Variants in ERG observed in about 807,000 individuals in gnomAD.
The protein encoded by ERG is ETS transcription factor ERG.
Under a neutral mutation model 55.3 loss-of-function variants are expected in ERG, and 9 were observed. The ratio of observed to expected loss-of-function variants is 0.16; its 90% CI spans 0.10 to 0.28. The LOEUF (loss-of-function observed/expected upper bound fraction) is 0.28, where lower values mean the gene tolerates loss of function less well. ERG is among the 10% of genes least tolerant of loss of function. The pLI is 1.00. For synonymous variants in ERG, 223 were observed against 237.3 expected, an observed-to-expected ratio of 0.94 and a Z score of 0.55; for missense variants, 434 against 631.6, an observed-to-expected ratio of 0.69 and a Z score of 3.35.
At chr21:38,590,576 C>CCGTT (rs2060094019) in intron 1 of ERG, among the ~76,000 whole-genome samples, 9 of 150,014 alleles carry the variant, frequency 6.0e-5, no homozygotes, top group Admixed American at 2.6e-4. Flanking sequence ...GTTCATCCAT[C>CCGTT]CATCCATCCA....
At chr21:38,517,984 G>A (rs1473569625) in intron 2 of ERG, among the ~76,000 whole-genome samples, 2 of 152,040 alleles carry the variant, frequency 1.3e-5, no homozygotes, top group African/African-American at 4.8e-5. Flanking sequence ...AAGAGAGTTT[G>A]GATAATGGGT....
intron 2 of ERG, among the ~76,000 whole-genome samples, chr21:38,443,037 G>C (rs1234224263): frequency 1.3e-5 from 2 of 152,218 alleles, no homozygotes; most frequent in Admixed American, 6.5e-5. Context: ...TCGATCTCTT[G>C]ACCTCGTGAT....
chr21:38,596,055 TTG>T (rs368277682), intron 1 of ERG, among the ~76,000 whole-genome samples: 26,246 of 103,082 alleles, frequency 0.25, 2,800 homozygotes, highest in Middle Eastern at 0.39. Context: ...TGGTGTGGGA[TTG>T]GGGGGGGGGG....
At chr21:38,376,338 C>A (rs933619491), downstream of ERG, among the ~76,000 whole-genome samples, 1 of 152,188 alleles carries the variant, frequency 6.6e-6, no homozygotes, top group African/African-American at 2.4e-5. Flanking sequence ...TGCATGTTTC[C>A]ATGGGACGGA....
chr21:38,428,895 T>G (rs1449662536), intron 2 of ERG, among the ~76,000 whole-genome samples: 1 of 152,200 alleles, frequency 6.6e-6, no homozygotes, highest in Non-Finnish European at 1.5e-5. Context: ...TGTCTTTTTA[T>G]TTAATTTAAA....
chr21:38,452,595 T>C (rs375205414), intron 1 of ERG, among the ~76,000 whole-genome samples: 5 of 152,248 alleles, frequency 3.3e-5, no homozygotes, highest in African/African-American at 4.8e-5. Context: ...TCTTTAATCA[T>C]ATCCACTAGG....
intron 1 of ERG, among the ~76,000 whole-genome samples, chr21:38,590,249 G>A (rs1485127020): frequency 6.6e-6 from 1 of 152,166 alleles, no homozygotes; most frequent in Non-Finnish European, 1.5e-5. Context: ...ATAATGTGGT[G>A]AGGGTCACAA....
chr21:38,505,343 C>T (rs1364566023), intron 2 of ERG, among the ~76,000 whole-genome samples: 2 of 152,172 alleles, frequency 1.3e-5, no homozygotes, highest in Admixed American at 1.3e-4. Flanking sequence ...CCTCATCCCT[C>T]GCCCCCTCTC....
downstream of ERG, among the ~76,000 whole-genome samples, chr21:38,376,688 G>A (rs555281057): frequency 2.0e-5 from 3 of 152,366 alleles, no homozygotes; most frequent in Non-Finnish European, 4.4e-5. Context: ...GCATCAGAGC[G>A]GATGGAGACA....
chr21:38,402,343 T>C (rs1236243179), intron 5 of ERG, among the ~76,000 whole-genome samples: 1 of 152,164 alleles, frequency 6.6e-6, no homozygotes, highest in African/African-American at 2.4e-5. Flanking sequence ...AACCCTTTGA[T>C]AATCAAAGTG....
At chr21:38,534,264 A>C (rs995542151) in intron 2 of ERG, among the ~76,000 whole-genome samples, 8 of 152,192 alleles carry the variant, frequency 5.3e-5, no homozygotes, top group Non-Finnish European at 1.0e-4. Flanking sequence ...CAAGAAAAAA[A>C]CAATTTGTGA....
intron 1 of ERG, among the ~76,000 whole-genome samples, chr21:38,470,361 G>A (rs746773134): frequency 2.6e-5 from 4 of 151,942 alleles, no homozygotes; most frequent in Non-Finnish European, 5.9e-5. Context: ...ATGAATAAAC[G>A]GCAGAAAGAA....
At chr21:38,544,698 C>A (rs1404699355) in intron 2 of ERG, among the ~76,000 whole-genome samples, 1 of 152,096 alleles carries the variant, frequency 6.6e-6, no homozygotes, top group Non-Finnish European at 1.5e-5. Flanking sequence ...GGTACACAGC[C>A]CAGGCTGGAT....
At chr21:38,644,571 G>A (rs2060445021) in intron 1 of ERG, among the ~76,000 whole-genome samples, 1 of 152,168 alleles carries the variant, frequency 6.6e-6, no homozygotes, top group Non-Finnish European at 1.5e-5. Context: ...GTGAAATTTG[G>A]TATGACAGGG....
chr21:38,403,750 A>G (rs774493995), intron 3 of ERG, 41 bp from the exon 4 acceptor site: 130 of 1,587,952 alleles, frequency 8.2e-5, no homozygotes, highest in Non-Finnish European at 1.1e-4. Flanking sequence ...TCCTGAAGCC[A>G]GGGATCTTCA....
chr21:38,515,360 C>T (rs1201345890), intron 2 of ERG, among the ~76,000 whole-genome samples: 1 of 151,756 alleles, frequency 6.6e-6, no homozygotes, highest in African/African-American at 2.4e-5. Flanking sequence ...ATACAACCTG[C>T]CAAGATTGAA....
At chr21:38,375,288 C>G (rs1472624132), downstream of ERG, among the ~76,000 whole-genome samples, 1 of 152,170 alleles carries the variant, frequency 6.6e-6, no homozygotes, top group Non-Finnish European at 1.5e-5. Flanking sequence ...GACTTAAAAC[C>G]CGACCTCTAT....
intron 3 of ERG, among the ~76,000 whole-genome samples, chr21:38,406,608 C>G (rs1344417616): frequency 6.6e-6 from 1 of 152,078 alleles, no homozygotes; most frequent in East Asian, 1.9e-4. Context: ...GTTAGCGAAA[C>G]CCACCTTTTT....
At chr21:38,584,103 G>A (rs1346325014) in intron 1 of ERG, among the ~76,000 whole-genome samples, 1 of 152,202 alleles carries the variant, frequency 6.6e-6, no homozygotes, top group Non-Finnish European at 1.5e-5. Context: ...GTCAAGGCAT[G>A]TCTCAGGCTC....
Sources: allele counts gnomAD v4.1 joint callset (sites outside exome capture counted in the v4.1 genomes callset), GRCh38; gene constraint gnomAD v4.1.1; transcripts MANE v1.5; gene names NCBI Gene and HGNC (gene_info 2026-07-23, HGNC 2026-07-21).